Variants in COL5A1 observed in about 807,000 individuals in gnomAD.
COL5A1 encodes the protein collagen alpha-1(V) chain.
COL5A1 carries 16 observed loss-of-function variants against 263.7 expected under a neutral mutation model. The observed-to-expected ratio is 0.06, with a 90% CI of 0.04 to 0.09. COL5A1 has a LOEUF of 0.09. COL5A1 is among the 10% of genes least tolerant of loss of function. The pLI is 1.00. For missense variants in COL5A1, 2,036 were observed against 2,540.5 expected (o/e 0.80, Z 4.27); for synonymous variants, 1,012 against 1,004.5 (o/e 1.01, Z -0.14).
chr9:134,830,873 A>G (rs375477226), intron 64 of COL5A1, among the ~76,000 whole-genome samples: 1 of 152,276 alleles, frequency 6.6e-6, no homozygotes, highest in African/African-American at 2.4e-5. Context: ...GAGTGCCCCT[A>G]GGAACCCCAC....
intron 11 of COL5A1, among the ~76,000 whole-genome samples, chr9:134,745,487 C>G (rs185895417): frequency 6.6e-6 from 1 of 152,088 alleles, no homozygotes; most frequent in Non-Finnish European, 1.5e-5. Context: ...CCCAGAGCCC[C>G]GATTATTGGT....
At chr9:134,656,352 G>A (rs989305154) in intron 1 of COL5A1, among the ~76,000 whole-genome samples, 1 of 152,240 alleles carries the variant, frequency 6.6e-6, no homozygotes, top group African/African-American at 2.4e-5. Context: ...CTTTTGCAAA[G>A]AGAGCTCAGG....
In COL5A1 at chr9:134,806,233, C is replaced by T. The variant is rs760754491; in HGVS notation, c.3303C>T (p.Ile1101=). ...ERGPAGAAGP[I]GIPGRPGPQG... ...GTCCAGCTGGAGCCGCTGGGCCCAT[C>T]GGAATTCCAGGGAGACCTGGGCCCC... is the stretch of plus-strand genomic sequence containing the variant. Residue 1101 remains isoleucine, a synonymous_variant, in exon 42 of 66, where the codon ATC becomes ATT. Coordinates refer to ENST00000371817, the MANE Select transcript of COL5A1 (RefSeq NM_000093.5). 90 of 1,550,386 alleles carry T rather than the reference C, an allele frequency of 5.8e-5. No homozygotes were observed. The highest frequency in any genetic ancestry group is 7.1e-5 in the Non-Finnish European group (81 of 1,146,894).
intron 31 of COL5A1, among the ~76,000 whole-genome samples, 168 bp downstream of exon 31, chr9:134,786,216 G>T (rs185972432): frequency 1.3e-5 from 2 of 151,958 alleles, no homozygotes; most frequent in East Asian, 3.9e-4. Context: ...GGGTTGTACC[G>T]CCAGGCCTCC....
At chr9:134,813,647 C>T (rs1838625920) in intron 48 of COL5A1, among the ~76,000 whole-genome samples, 1 of 152,262 alleles carries the variant, frequency 6.6e-6, no homozygotes, top group Non-Finnish European at 1.5e-5. Context: ...CCTGCCTCGG[C>T]CCTGGCCATC....
At chr9:134,812,130 TG>T (rs1838546234) in intron 46 of COL5A1, among the ~76,000 whole-genome samples, 1 of 152,222 alleles carries the variant, frequency 6.6e-6, no homozygotes, top group Non-Finnish European at 1.5e-5. Flanking sequence ...TTTTAGTCAC[TG>T]CACAGTAAGC....
intron 4 of COL5A1, among the ~76,000 whole-genome samples, chr9:134,704,716 G>A (rs747596270): frequency 6.6e-6 from 1 of 152,024 alleles, no homozygotes. Context: ...CTGTGCTCAC[G>A]TTGGAAAATT....
chr9:134,804,896 G>A (rs921950494), intron 39 of COL5A1, 79 bp from the exon 40 acceptor site: 25 of 1,258,668 alleles, frequency 2.0e-5, no homozygotes, highest in South Asian at 4.8e-5. Context: ...GAAGGCCCCA[G>A]CCCTTGGCTT....
At chr9:134,748,105 ACATG>A (rs1180407293) in intron 11 of COL5A1, among the ~76,000 whole-genome samples, 4 of 79,482 alleles carry the variant, frequency 5.0e-5, no homozygotes, top group Non-Finnish European at 8.9e-5. Context: ...ATGCATCCAC[ACATG>A]CATACACAGA....
At chr9:134,713,196 C>T (rs55645539) in intron 4 of COL5A1, among the ~76,000 whole-genome samples, 48,964 of 152,266 alleles carry the variant, frequency 0.32, 8,238 homozygotes, top group Non-Finnish European at 0.38. Flanking sequence ...GTTTGAGCCA[C>T]GCCACGTGGT....
intron 4 of COL5A1, among the ~76,000 whole-genome samples, chr9:134,721,336 C>A (rs1205867434): frequency 6.6e-6 from 1 of 150,892 alleles, no homozygotes; most frequent in Non-Finnish European, 1.5e-5. Context: ...TGTAACCTCC[C>A]CATAGTACCC....
At chr9:134,753,118 C>CTT (rs34785868) in intron 14 of COL5A1, among the ~76,000 whole-genome samples, 52,871 of 151,832 alleles carry the variant, frequency 0.35, 10,525 homozygotes, top group African/African-American at 0.55. Flanking sequence ...CAGGCTGTGA[C>CTT]TGCCTTGTGG....
chr9:134,780,450 G>C (rs530652943), intron 28 of COL5A1, among the ~76,000 whole-genome samples: 1 of 152,182 alleles, frequency 6.6e-6, no homozygotes, highest in South Asian at 2.1e-4. Flanking sequence ...GGCCCCCCAC[G>C]TGCCTGCAGG....
chr9:134,760,889 CCACACACGCATACACACATGCA>C (rs1254648085), intron 18 of COL5A1, among the ~76,000 whole-genome samples: 7 of 148,558 alleles, frequency 4.7e-5, no homozygotes, highest in African/African-American at 1.7e-4. Flanking sequence ...GCATACATAC[CCACACACGCATACACACATGCA>C]CACACACACG....
chr9:134,688,791 T>C (rs1833167299), intron 1 of COL5A1, among the ~76,000 whole-genome samples: 1 of 152,176 alleles, frequency 6.6e-6, no homozygotes, highest in Non-Finnish European at 1.5e-5. Context: ...AGCCAAGCTG[T>C]AGAAATGACA....
intron 1 of COL5A1, among the ~76,000 whole-genome samples, chr9:134,672,250 T>C (rs929572863): frequency 6.6e-6 from 1 of 152,232 alleles, no homozygotes; most frequent in African/African-American, 2.4e-5. Context: ...GTGTCCATGA[T>C]AGAAGTGTTA....
chr9:134,768,590 A>G, intron 25 of COL5A1, 127 bp downstream of exon 25: 1 of 961,214 alleles, frequency 1.0e-6, no homozygotes, highest in South Asian at 1.4e-5. Flanking sequence ...CTGTTGATGA[A>G]GACCCGTTTG....
At chr9:134,685,270 TCATC>T (rs1174468714) in intron 1 of COL5A1, among the ~76,000 whole-genome samples, 8 of 30,100 alleles carry the variant, frequency 2.7e-4, no homozygotes, top group East Asian at 9.8e-4. Flanking sequence ...ATCCATTAAG[TCATC>T]CATCCATCCA....
intron 62 of COL5A1, among the ~76,000 whole-genome samples, chr9:134,825,457 A>C (rs1478055383): frequency 6.6e-6 from 1 of 152,182 alleles, no homozygotes; most frequent in Non-Finnish European, 1.5e-5. Flanking sequence ...CTGATCCTAC[A>C]TGCATGAATT....
Sources: allele counts gnomAD v4.1 joint callset (sites outside exome capture counted in the v4.1 genomes callset), GRCh38; gene constraint gnomAD v4.1.1; transcripts MANE v1.5; gene names NCBI Gene and HGNC (gene_info 2026-07-23, HGNC 2026-07-21).